The following PCDHB12 variants were observed in gnomAD, a reference collection of about 807,000 sequenced individuals.
The protein encoded by PCDHB12 is protocadherin beta-12.
For missense variants in PCDHB12, 1,192 were observed against 998.2 expected, an observed-to-expected ratio of 1.19 and a Z score of -2.62; for synonymous variants, 560 against 445.2, an observed-to-expected ratio of 1.26 and a Z score of -3.24.
rs782380235 is a variant in PCDHB12, at chr5:141,211,037, G to A, written c.2130G>A (p.Ala710=). Residue 710 remains alanine (A), a synonymous_variant, in exon 1 of 1, where the codon GCG becomes GCA. Transcript: ENST00000239450. The part of the protein sequence containing the change: ...LFLFSVLLFV[A]VRLCRRSRAA... ...TCTTCTCGGTGCTCCTGTTCGTGGCGGTGCGGCTGTGCAGGAGGAGCAGGG... is the reference window on the plus strand; with the variant it reads ...TCTTCTCGGTGCTCCTGTTCGTGGCAGTGCGGCTGTGCAGGAGGAGCAGGG... The A allele has an allele frequency of 3.1e-4, 496 of 1,612,670 alleles. No individual in the cohort carries two copies. Among genetic ancestry groups the A allele is most frequent in the Non-Finnish European group, 4.0e-4 (468 of 1,179,990 alleles).
rs1754466801 is a variant in PCDHB12, at chr5:141,211,719, T to C, written c.*424T>C. ...AAAAGTTGTTTTATGAATCATACAC[T>C]ATTTTCACACTTTTAATCTCAGAAG... On this transcript the variant is annotated 3_prime_UTR_variant, in exon 1 of 1. Transcript: ENST00000239450. The C allele has an allele frequency of 4.5e-6, 1 of 222,218 alleles. No individual in the cohort carries two copies. Among genetic ancestry groups the C allele is most frequent in the Admixed American group, 5.4e-5 (1 of 18,496 alleles). 13.8% of individuals were successfully genotyped at this position (222,218 alleles called of 1,614,324 possible). A position where few individuals can be genotyped will look rare whatever the true frequency, so the allele number is the denominator to read the frequency against.
Position 141,211,822 on chromosome 5 carries a change from A to G in PCDHB12, c.*527A>G, listed in dbSNP as rs138635302. 261 of 176,264 alleles carry G rather than the reference A, an allele frequency of 1.5e-3. No homozygotes were observed. Among genetic ancestry groups the G allele is most frequent in the African/African-American group, 5.4e-3 (224 of 41,618 alleles). 10.9% of individuals were successfully genotyped at this position (176,264 alleles called of 1,614,324 possible). On this transcript the variant is annotated 3_prime_UTR_variant, in exon 1 of 1. Transcript: ENST00000239450. ...TTCAGTAAGTTCACTAAGGTCCACT[A>G]ACTAATAAGTGACAAAACTGAGCAT...
rs1037078489 is a variant in PCDHB12 at position 141,209,117 on chromosome 5, T to C, written c.210T>C (p.Asp70=). 2 of 1,614,098 alleles carry C rather than the reference T, an allele frequency of 1.2e-6. No individual in the cohort carries two copies. The highest frequency in any genetic ancestry group is 1.7e-6 in the Non-Finnish European group (2 of 1,180,000). ...GGGGGGCTCGGGTGGTTTCTAATGA[T>C]AACAAAGAGTGTTTGCAGCTGGACA... ...SSRGARVVSN[D]NKECLQLDTN... The change falls in exon 1 of 1, where the codon GAT becomes GAC. Residue 70 remains aspartate, a synonymous_variant. Transcript: ENST00000239450.
At position 141,211,425 on chromosome 5, in the gene PCDHB12, T is replaced by G; in HGVS notation, c.*130T>G. 1 of 998,992 alleles carries G rather than the reference T, an allele frequency of 1.0e-6. No individual in the cohort carries two copies. Among genetic ancestry groups the G allele is most frequent in the Non-Finnish European group, 1.5e-6 (1 of 655,018 alleles). The allele number at this position is 998,992 out of a possible 1,614,324, so 61.9% of individuals were successfully genotyped here. A position where few individuals can be genotyped will look rare whatever the true frequency, so the allele number is the denominator to read the frequency against. On this transcript the variant is annotated 3_prime_UTR_variant, in exon 1 of 1. Coordinates refer to ENST00000239450, the MANE Select transcript of PCDHB12 (RefSeq NM_018932.4). ...CTTCAAGTCAAGAAATAAATTTCTT[T>G]ACATAGAAAAGGATACAGATTTAGT... is the stretch of plus-strand genomic sequence containing the variant.
In PCDHB12 at chr5:141,209,684, C is replaced by T. The variant is rs1162946789; in HGVS notation, c.777C>T (p.Ser259=). Residue 259 remains serine, a synonymous_variant, in exon 1 of 1, where the codon TCC becomes TCT. Coordinates refer to ENST00000239450, the MANE Select transcript of PCDHB12 (RefSeq NM_018932.4). ...TTCTGGAGAATAGCATCCTTGGCTC[C>T]CTGGTTGTGACCGTCTCAGCCTGGG... ...VKILENSILG[S]LVVTVSAWDL... The T allele has an allele frequency of 2.5e-6, 4 of 1,614,130 alleles. No homozygotes were observed. Among genetic ancestry groups the T allele is most frequent in the Non-Finnish European group, 3.4e-6 (4 of 1,180,048 alleles).
In PCDHB12 at chr5:141,211,127, T is replaced by G. The variant is rs782599556; in HGVS notation, c.2220T>G (p.Ser740Arg). 6.2e-7 allele frequency: 1 copy of G among 1,614,116 alleles called. No homozygotes were observed. The highest frequency in any genetic ancestry group is 1.3e-5 in the African/African-American group (1 of 75,034). The change falls in exon 1 of 1, where the codon AGT becomes AGG. Residue 740 changes from serine to arginine, a missense_variant. Ser to Arg is a moderately radical substitution (Grantham distance 110). Transcript: ENST00000239450. ...TTCCAGGACATCTGGTGGACGTGAG[T>G]GGCACCGGGACCCTGTCCCAGAGCT... The part of the protein sequence containing the change: ...GPFPGHLVDV[S>R]GTGTLSQSYH...
rs1754431572 is a variant in PCDHB12 at position 141,210,723 on chromosome 5, C to T, written c.1816C>T (p.Leu606=). The change falls in exon 1 of 1, where the codon CTG becomes TTG. Residue 606 remains leucine, a synonymous_variant. Transcript: ENST00000239450. ...CCAGAACGCCTGGCTGTCGTACCAG[C>T]TGCTCAAGGCCACGGAGCCCGGGCT... ...SGQNAWLSYQ[L]LKATEPGLFG... 6 of 1,608,046 alleles carry T rather than the reference C, an allele frequency of 3.7e-6. No homozygotes were observed. Among genetic ancestry groups the T allele is most frequent in the African/African-American group, 1.3e-5 (1 of 74,864 alleles).
In PCDHB12 at chr5:141,210,268, C is replaced by T; in HGVS notation, c.1361C>T (p.Thr454Ile). 1 of 1,614,130 alleles carries T rather than the reference C, an allele frequency of 6.2e-7. No individual in the cohort carries two copies. The highest frequency in any genetic ancestry group is 8.5e-7 in the Non-Finnish European group (1 of 1,180,052). ...GACAACGCCCCCGCCTTCACCCAAA[C>T]TTCCTACGCCCTGTTCGTCCGCGAG... ...VNDNAPAFTQTSYALFVRENN... is the reference protein window; with the variant it reads ...VNDNAPAFTQISYALFVRENN... Residue 454 changes from threonine to isoleucine, a missense_variant, in exon 1 of 1, where the codon ACT becomes ATT. Coordinates refer to ENST00000239450, the MANE Select transcript of PCDHB12 (RefSeq NM_018932.4).
chr5:141,210,462 C>G lies in PCDHB12; in HGVS notation c.1555C>G (p.Leu519Val), dbSNP rs1554286949. ...CGGCCACCTGTTTGCCCTCAGGTCG[C>G]TGGACTACGAGGCCCTGCAGGGGTT... ...DNGHLFALRS[L>V]DYEALQGFQF... Residue 519 changes from leucine (L) to valine (V), a missense_variant, in exon 1 of 1, where the codon CTG becomes GTG. Coordinates refer to ENST00000239450, the MANE Select transcript of PCDHB12 (RefSeq NM_018932.4). 6.2e-7 allele frequency: 1 copy of G among 1,612,954 alleles called. No homozygotes were observed. Among genetic ancestry groups the G allele is most frequent in the Admixed American group, 1.7e-5 (1 of 60,028 alleles).
chr5:141,210,659 C>T lies in PCDHB12; in HGVS notation c.1752C>T (p.Tyr584=). 5.0e-6 allele frequency: 8 copies of T among 1,611,104 alleles called. No homozygotes were observed. Among genetic ancestry groups the T allele is most frequent in the Non-Finnish European group, 5.9e-6 (7 of 1,179,732 alleles). Residue 584 remains tyrosine (Y), a synonymous_variant, in exon 1 of 1, where the codon TAC becomes TAT. Transcript: ENST00000239450. ...TGCCCTGGGCGGCCGAGCCGGGCTA[C>T]CTGGTGACCAAGGTGGTGGCGGTGG... The part of the protein sequence containing the change: ...ELVPWAAEPG[Y]LVTKVVAVDG...
At position 141,209,755 on chromosome 5, in the gene PCDHB12, A is replaced by G. The variant is rs140854982; in HGVS notation, c.848A>G (p.His283Arg). Residue 283 changes from histidine (H) to arginine (R), a missense_variant, in exon 1 of 1, where the codon CAT becomes CGT. Transcript: ENST00000239450. ...TNSELSYTFS[H>R]ASEDIRKTFE... ...AGTGAACTATCCTATACCTTTTCCC[A>G]TGCCTCAGAAGATATTCGCAAGACA... is the stretch of plus-strand genomic sequence containing the variant. 19 of 1,614,116 alleles carry G rather than the reference A, an allele frequency of 1.2e-5. No individual in the cohort carries two copies. The highest frequency in any genetic ancestry group is 1.7e-5 in the Admixed American group (1 of 60,006).
chr5:141,210,384 T>A lies in PCDHB12; in HGVS notation c.1477T>A (p.Ser493Thr). The stretch of plus-strand genomic sequence containing the variant: ...CCAGGTCAACTACTCGCTGCTGCCG[T>A]CCCAGGACCCGCACCTGCCCCTCGC... ...NAQVNYSLLP[S>T]QDPHLPLASL... The change falls in exon 1 of 1, where the codon TCC becomes ACC. Residue 493 changes from serine (S) to threonine (T), a missense_variant. Transcript: ENST00000239450. The A allele has an allele frequency of 1.2e-6, 2 of 1,612,936 alleles. No homozygotes were observed. The highest frequency in any genetic ancestry group is 1.7e-6 in the Non-Finnish European group (2 of 1,180,016).
Position 141,211,058 on chromosome 5 carries a change from C to G in PCDHB12, c.2151C>G (p.Ser717Arg). The G allele has an allele frequency of 6.2e-7, 1 of 1,613,144 alleles. No homozygotes were observed. The highest frequency in any genetic ancestry group is 8.5e-7 in the Non-Finnish European group (1 of 1,180,012). ...TGGCGGTGCGGCTGTGCAGGAGGAG[C>G]AGGGCGGCCCCGGTCGGTCGCTGCT... ...LFVAVRLCRR[S>R]RAAPVGRCSV... Residue 717 changes from serine (S) to arginine (R), a missense_variant, in exon 1 of 1, where the codon AGC (serine) becomes AGG (arginine). Ser to Arg is a moderately radical substitution (Grantham distance 110). Transcript: ENST00000239450.
chr5:141,211,534 T>C lies in PCDHB12; in HGVS notation c.*239T>C. 1 of 567,488 alleles carries C rather than the reference T, an allele frequency of 1.8e-6. No homozygotes were observed. Among genetic ancestry groups the C allele is most frequent in the South Asian group, 2.0e-5 (1 of 49,096 alleles). 35.2% of individuals were successfully genotyped at this position (567,488 alleles called of 1,614,324 possible). A position where few individuals can be genotyped will look rare whatever the true frequency, so the allele number is the denominator to read the frequency against. On this transcript the variant is annotated 3_prime_UTR_variant, in exon 1 of 1. Transcript: ENST00000239450. ...TATGCTTAATATAAAGTCTATTAAG[T>C]GGTAAGTCTTGTTTGAGATATTTTA...
At position 141,210,898 on chromosome 5, in the gene PCDHB12, A is replaced by T. The variant is rs1468645183; in HGVS notation, c.1991A>T (p.Asp664Val). Residue 664 changes from aspartate (D) to valine (V), a missense_variant, in exon 1 of 1, where the codon GAC becomes GTC. Physicochemically the swap from Asp to Val is radical, Grantham distance 152 (BLOSUM62 -3). Transcript: ENST00000239450. The part of the protein sequence containing the change: ...ATATLHVLLV[D>V]GFSQPYLPLP... ...GCCACGCTGCACGTGCTCCTGGTGG[A>T]CGGCTTCTCCCAGCCCTACCTGCCT... The T allele has an allele frequency of 6.2e-7, 1 of 1,608,288 alleles. No individual in the cohort carries two copies. The highest frequency in any genetic ancestry group is 1.3e-5 in the African/African-American group (1 of 74,968).
rs138741761 is a variant in PCDHB12, at chr5:141,211,142, G to C, written c.2235G>C (p.Leu745=). 2 of 1,614,182 alleles carry C rather than the reference G, an allele frequency of 1.2e-6. No homozygotes were observed. The highest frequency in any genetic ancestry group is 1.7e-6 in the Non-Finnish European group (2 of 1,180,038). Residue 745 remains leucine, a synonymous_variant, in exon 1 of 1, where the codon CTG becomes CTC. Coordinates refer to ENST00000239450, the MANE Select transcript of PCDHB12 (RefSeq NM_018932.4). ...TGGACGTGAGTGGCACCGGGACCCT[G>C]TCCCAGAGCTACCACTATGAGGTGT... The part of the protein sequence containing the change: ...HLVDVSGTGT[L]SQSYHYEVCV...
rs1439066878 is a variant in PCDHB12 at position 141,210,706 on chromosome 5, C to T, written c.1799C>T (p.Ala600Val). 2 of 1,609,610 alleles carry T rather than the reference C, an allele frequency of 1.2e-6. No homozygotes were observed. The highest frequency in any genetic ancestry group is 2.2e-5 in the South Asian group (2 of 90,948). ...VAVDGDSGQNAWLSYQLLKAT... is the reference protein window; with the variant it reads ...VAVDGDSGQNVWLSYQLLKAT... ...GTGGACGGTGACTCGGGCCAGAACG[C>T]CTGGCTGTCGTACCAGCTGCTCAAG... Residue 600 changes from alanine to valine, a missense_variant, in exon 1 of 1, where the codon GCC becomes GTC. Coordinates refer to ENST00000239450, the MANE Select transcript of PCDHB12 (RefSeq NM_018932.4).
Position 141,210,052 on chromosome 5 carries a change from T to G in PCDHB12, c.1145T>G (p.Val382Gly), listed in dbSNP as rs1554286796. The G allele has an allele frequency of 6.2e-7, 1 of 1,614,156 alleles. No homozygotes were observed. Among genetic ancestry groups the G allele is most frequent in the Admixed American group, 1.7e-5 (1 of 60,018 alleles). The change falls in exon 1 of 1, where the codon GTT (valine) becomes GGT (glycine). Residue 382 changes from valine to glycine, a missense_variant. Coordinates refer to ENST00000239450, the MANE Select transcript of PCDHB12 (RefSeq NM_018932.4). ...DRDSGDNGKM[V>G]CSIPEDIPFV... ...GACTCTGGGGACAACGGAAAGATGG[T>G]TTGTTCTATCCCGGAGGACATCCCA...
chr5:141,210,585 T>A lies in PCDHB12; in HGVS notation c.1678T>A (p.Phe560Ile). ...GCTGGACGCCAACGACAACTCGCCCTTCGTGCTGTACCCGCTGCAGAACGG... is the reference window on the plus strand; with the variant it reads ...GCTGGACGCCAACGACAACTCGCCCATCGTGCTGTACCCGCTGCAGAACGG... ...LVLDANDNSP[F>I]VLYPLQNGSA... The change falls in exon 1 of 1, where the codon TTC (phenylalanine) becomes ATC (isoleucine). Residue 560 changes from phenylalanine (F) to isoleucine (I), a missense_variant. Coordinates refer to ENST00000239450, the MANE Select transcript of PCDHB12 (RefSeq NM_018932.4). The A allele has an allele frequency of 2.5e-6, 4 of 1,611,590 alleles. No individual in the cohort carries two copies. The highest frequency in any genetic ancestry group is 3.4e-6 in the Non-Finnish European group (4 of 1,179,740).
Sources: gnomAD v4.1 joint callset for allele counts on GRCh38, gnomAD v4.1.1 for gene constraint, MANE v1.5 for transcripts, NCBI Gene and HGNC (gene_info 2026-07-23, HGNC 2026-07-21) for gene names.